ADCY2: variants seen among roughly 807,000 people sequenced by gnomAD.
ADCY2 encodes the protein adenylate cyclase type 2.
In ADCY2, 31 loss-of-function variants were observed where a neutral mutation model predicts 125.2. That is an observed-to-expected ratio of 0.25 (90% confidence interval 0.19 to 0.33). The LOEUF is 0.33. Among genes scored for constraint, ADCY2 ranks in the 10% least tolerant of loss-of-function variants. ADCY2 has a pLI of 1.00. For synonymous variants in ADCY2, 512 were observed against 548.4 expected (o/e 0.93, Z 0.93); for missense variants, 904 against 1,418.2 (o/e 0.64, Z 5.82).
At chr5:7,593,590 A>G (rs1736915553) in intron 3 of ADCY2, among the ~76,000 whole-genome samples, 1 of 152,258 alleles carries the variant, frequency 6.6e-6, no homozygotes, top group South Asian at 2.1e-4. Context: ...ATCTGCTAAA[A>G]CTCACTCAAA....
At chr5:7,573,074 G>C (rs1273450843) in intron 3 of ADCY2, among the ~76,000 whole-genome samples, 1 of 152,070 alleles carries the variant, frequency 6.6e-6, no homozygotes, top group Non-Finnish European at 1.5e-5. Flanking sequence ...GAAGAAGACG[G>C]CCATCTACAA....
At chr5:7,561,307 G>T (rs890459732) in intron 3 of ADCY2, among the ~76,000 whole-genome samples, 2 of 152,148 alleles carry the variant, frequency 1.3e-5, no homozygotes, top group African/African-American at 4.8e-5. Context: ...ATGTACTTAC[G>T]CAAACCTAAA....
intron 12 of ADCY2, among the ~76,000 whole-genome samples, chr5:7,722,960 CAAAAAAAAA>C (rs60426818): frequency 3.9e-5 from 2 of 51,634 alleles, no homozygotes; most frequent in African/African-American, 1.5e-4. Flanking sequence ...AACTCCATCT[CAAAAAAAAA>C]AAAAAAAAAA....
At chr5:7,435,961 T>C (rs1740784730) in intron 2 of ADCY2, among the ~76,000 whole-genome samples, 1 of 152,178 alleles carries the variant, frequency 6.6e-6, no homozygotes, top group South Asian at 2.1e-4. Flanking sequence ...TTAGCCTTGG[T>C]TTTTGAGTAG....
At position 7,816,848 on chromosome 5, in the gene ADCY2, G is replaced by A. The variant is rs1745128425; in HGVS notation, c.2884-18G>A. On this transcript the variant is annotated intron_variant, in intron 22 of 24. Coordinates refer to ENST00000338316, the MANE Select transcript of ADCY2 (RefSeq NM_020546.3). ...GTGATGCTCTAACTTCCATCTGCCTGTGTGTGTTTGTTCTCAGGAGCCCGA... is the reference window on the plus strand; with the variant it reads ...GTGATGCTCTAACTTCCATCTGCCTATGTGTGTTTGTTCTCAGGAGCCCGA... 1.9e-6 allele frequency: 3 copies of A among 1,603,722 alleles called. No homozygotes were observed. The highest frequency in any genetic ancestry group is 2.6e-6 in the Non-Finnish European group (3 of 1,170,494).
chr5:7,540,672 G>A (rs1364226344), intron 3 of ADCY2, among the ~76,000 whole-genome samples: 3 of 152,176 alleles, frequency 2.0e-5, no homozygotes, highest in African/African-American at 4.8e-5. Flanking sequence ...GAATATTCCA[G>A]GACACACTGG....
chr5:7,563,159 A>G (rs1735776211), intron 3 of ADCY2, among the ~76,000 whole-genome samples: 1 of 152,218 alleles, frequency 6.6e-6, no homozygotes, highest in Non-Finnish European at 1.5e-5. Flanking sequence ...AAAAGGAATT[A>G]GCAGGTTACA....
intron 2 of ADCY2, among the ~76,000 whole-genome samples, chr5:7,449,608 C>A (rs1168057481): frequency 6.6e-6 from 1 of 152,178 alleles, no homozygotes; most frequent in Admixed American, 6.5e-5. Flanking sequence ...TACATAATGA[C>A]TCACTATAGG....
At chr5:7,708,527 T>A (rs1741337053) in intron 9 of ADCY2, among the ~76,000 whole-genome samples, 1 of 152,158 alleles carries the variant, frequency 6.6e-6, no homozygotes. Context: ...AGATTAAGAA[T>A]CTGAAGCTTT....
chr5:7,636,679 A>G (rs1262921039), intron 4 of ADCY2, among the ~76,000 whole-genome samples: 5 of 152,252 alleles, frequency 3.3e-5, no homozygotes, highest in Non-Finnish European at 7.3e-5. Flanking sequence ...AATAGGGGAA[A>G]AGCCAGAGAG....
chr5:7,479,828 A>G (rs578260845), intron 2 of ADCY2, among the ~76,000 whole-genome samples: 26 of 152,122 alleles, frequency 1.7e-4, no homozygotes, highest in Non-Finnish European at 2.9e-4. Context: ...AGTTGCCACA[A>G]ATGGGTGAGA....
chr5:7,399,722 T>C (rs1428408538), intron 1 of ADCY2, among the ~76,000 whole-genome samples: 1 of 152,234 alleles, frequency 6.6e-6, no homozygotes, highest in Non-Finnish European at 1.5e-5. Flanking sequence ...TAGTTTCTGC[T>C]GTTTATCATG....
intron 3 of ADCY2, among the ~76,000 whole-genome samples, chr5:7,589,642 A>ACT (rs1295889078): frequency 6.6e-6 from 1 of 151,270 alleles, no homozygotes; most frequent in Non-Finnish European, 1.5e-5. Context: ...TCTAAAAGGG[A>ACT]CTCTCTCTGG....
chr5:7,701,317 G>A (rs1375755196), intron 7 of ADCY2, among the ~76,000 whole-genome samples: 4 of 152,146 alleles, frequency 2.6e-5, no homozygotes, highest in Non-Finnish European at 4.4e-5. Context: ...GCTTTTGAAT[G>A]AACTGTTTCC....
intron 3 of ADCY2, among the ~76,000 whole-genome samples, chr5:7,619,638 A>G (rs1579241718): frequency 6.6e-6 from 1 of 152,080 alleles, no homozygotes; most frequent in Non-Finnish European, 1.5e-5. Flanking sequence ...CTCTTTTCCC[A>G]TAGTGGAGAG....
At chr5:7,617,177 G>T (rs894670804) in intron 3 of ADCY2, among the ~76,000 whole-genome samples, 4 of 152,116 alleles carry the variant, frequency 2.6e-5, no homozygotes, top group African/African-American at 9.7e-5. Flanking sequence ...AGAGGCTGCC[G>T]TGTTCAAGGC....
intron 3 of ADCY2, among the ~76,000 whole-genome samples, chr5:7,529,118 A>G (rs769556625): frequency 6.6e-5 from 10 of 152,228 alleles, no homozygotes; most frequent in Non-Finnish European, 1.5e-4. Context: ...AGTTGGTGCC[A>G]TGGAAGGAGG....
At chr5:7,417,776 AC>A (rs1406972955) in intron 2 of ADCY2, among the ~76,000 whole-genome samples, 2 of 151,990 alleles carry the variant, frequency 1.3e-5, no homozygotes, top group Admixed American at 6.5e-5. Flanking sequence ...TACAGGACAC[AC>A]CCCTCTCTTT....
intron 2 of ADCY2, among the ~76,000 whole-genome samples, chr5:7,451,272 C>T (rs974045053): frequency 6.6e-6 from 1 of 152,168 alleles, no homozygotes; most frequent in African/African-American, 2.4e-5. Flanking sequence ...TATTCATGTT[C>T]ATGGGAGGAA....
Sources: gnomAD v4.1 joint callset for allele counts (sites outside exome capture counted in the v4.1 genomes callset) on GRCh38, gnomAD v4.1.1 for gene constraint, MANE v1.5 for transcripts, NCBI Gene and HGNC (gene_info 2026-07-23, HGNC 2026-07-21) for gene names.